VAT1L: variants seen among roughly 807,000 people sequenced by gnomAD.
The protein encoded by VAT1L is vesicle amine transport 1 like.
A neutral mutation model predicts 44.1 loss-of-function variants in VAT1L; 34 were observed. That is an observed-to-expected ratio of 0.77 (90% confidence interval 0.59 to 1.03). The LOEUF (loss-of-function observed/expected upper bound fraction) is 1.03, where lower values mean the gene tolerates loss of function less well. Among genes scored for constraint, VAT1L ranks in the 50% least tolerant of loss-of-function variants. The probability of loss-of-function intolerance (pLI) is 0.00; values close to 1 mark genes in which losing one functional copy is unlikely to be tolerated. For missense variants in VAT1L, 615 were observed against 538.8 expected, an observed-to-expected ratio of 1.14 and a Z score of -1.40; for synonymous variants, 253 against 202.2, an observed-to-expected ratio of 1.25 and a Z score of -2.13.
intron 4 of VAT1L, 56 bp from the exon 5 acceptor site, chr16:77,876,314 T>G: frequency 6.9e-7 from 1 of 1,446,124 alleles, no homozygotes; most frequent in Non-Finnish European, 9.7e-7. Context: ...GGAAAGGGAT[T>G]GACAGTCTGG....
chr16:77,879,422 C>A lies in VAT1L; in HGVS notation c.882+198C>A, dbSNP rs1173208390. Among the ~76,000 whole-genome samples the A allele has an allele frequency of 6.6e-6, 1 of 152,194 alleles. No homozygotes were observed. The highest frequency in any genetic ancestry group is 1.5e-5 in the Non-Finnish European group (1 of 68,038). ...TCTCCTGCCTCAGCCTCCCTAGTAG[C>A]TGGGATTACAGGCATGCGCCACCAT... is the stretch of plus-strand genomic sequence containing the variant. On this transcript the variant is annotated intron_variant, in intron 6 of 8. Transcript: ENST00000302536. The surrounding 1 kb of genome is among the most constrained non-coding windows in gnomAD (Gnocchi z 4.1).
intron 3 of VAT1L, among the ~76,000 whole-genome samples, chr16:77,850,239 C>T (rs1233133326): frequency 1.3e-5 from 2 of 152,166 alleles, no homozygotes; most frequent in African/African-American, 4.8e-5. Flanking sequence ...CCTAAGCCCC[C>T]ACTTTGTGTT....
intron 4 of VAT1L, among the ~76,000 whole-genome samples, chr16:77,874,839 T>TAAAAAAAAAAAAAAAAAAAA (rs769810512): frequency 2.3e-5 from 2 of 87,708 alleles, no homozygotes; most frequent in Non-Finnish European, 4.6e-5. Context: ...AATTAATTTG[T>TAAAAAAAAAAAAAAAAAAAA]AAAAAAAAAA....
At chr16:77,898,330 G>T (rs925353839) in intron 7 of VAT1L, among the ~76,000 whole-genome samples, 4 of 152,140 alleles carry the variant, frequency 2.6e-5, no homozygotes, top group Non-Finnish European at 5.9e-5. Flanking sequence ...GGAAAAGAGG[G>T]GGGGGACACA....
chr16:77,964,794 T>G lies in VAT1L; in HGVS notation c.1078-7056T>G, dbSNP rs1010132820. Among the ~76,000 whole-genome samples the G allele has an allele frequency of 4.4e-4, 51 of 117,232 alleles. 1 individual carries two copies. Among genetic ancestry groups the G allele is most frequent in the Admixed American group, 7.7e-4 (9 of 11,676 alleles). The allele number at this position is 117,232 out of a possible 152,430, so 76.9% of individuals were successfully genotyped here. On this transcript the variant is annotated intron_variant, in intron 7 of 8. Coordinates refer to ENST00000302536, the MANE Select transcript of VAT1L (RefSeq NM_020927.3). ...CTTTGTAGCACTTTTTTTTTTTTTT[T>G]TTTTTTTTTTTTTTTTTAGATGGAG...
chr16:77,939,751 T>C (rs9924879), intron 7 of VAT1L, among the ~76,000 whole-genome samples: 55,104 of 152,044 alleles, frequency 0.36, 10,235 homozygotes, highest in East Asian at 0.45. Context: ...ACTCAATTTA[T>C]TGTCTTATAT....
chr16:77,910,411 G>T (rs373881173), intron 7 of VAT1L, among the ~76,000 whole-genome samples: 71 of 152,266 alleles, frequency 4.7e-4, no homozygotes, highest in African/African-American at 1.6e-3. Flanking sequence ...GGTGGCTCAT[G>T]CCTGTAATCC....
intron 7 of VAT1L, among the ~76,000 whole-genome samples, chr16:77,938,775 T>C (rs958507126): frequency 6.6e-6 from 1 of 152,200 alleles, no homozygotes; most frequent in Non-Finnish European, 1.5e-5. Context: ...CAGGTATTTC[T>C]TTACAGCACT....
Position 77,884,974 on chromosome 16 carries a change from C to T in VAT1L, c.1077+172C>T, listed in dbSNP as rs2017195247. 1.3e-5 allele frequency among the ~76,000 whole-genome samples: 2 copies of T among 152,144 alleles called. No individual in the cohort carries two copies. The highest frequency in any genetic ancestry group is 4.1e-4 in the South Asian group (2 of 4,824). On this transcript the variant is annotated intron_variant, in intron 7 of 8. Coordinates refer to ENST00000302536, the MANE Select transcript of VAT1L (RefSeq NM_020927.3). This position sits in a 1 kb window ranked among gnomAD's most constrained non-coding sequence, Gnocchi z 4.5. ...AATAGTACTTTGGATATAAGAAATA[C>T]TTTAAGCTCTTTGGTGATTTGCAAA...
At chr16:77,829,127 T>C (rs2016553536) in intron 3 of VAT1L, among the ~76,000 whole-genome samples, 2 of 152,256 alleles carry the variant, frequency 1.3e-5, no homozygotes, top group Middle Eastern at 3.4e-3. Context: ...CTCTTTCCAT[T>C]CAACAGCCCA....
At chr16:77,901,200 G>T (rs62042180) in intron 7 of VAT1L, among the ~76,000 whole-genome samples, 25,328 of 129,856 alleles carry the variant, frequency 0.2, 2,651 homozygotes, top group South Asian at 0.26. Context: ...GTCTTGCTCT[G>T]TCACCCAGGC....
At position 77,876,409 on chromosome 16, in the gene VAT1L, C is replaced by T; in HGVS notation, c.762C>T (p.Leu254=). 1.2e-6 allele frequency: 2 copies of T among 1,614,200 alleles called. No homozygotes were observed. Among genetic ancestry groups the T allele is most frequent in the African/African-American group, 1.3e-5 (1 of 75,042 alleles). The change falls in exon 5 of 9, where the codon CTC becomes CTT. Residue 254 remains leucine (L), a synonymous_variant. Transcript: ENST00000302536. ...GTGTGGACATCGTTTTGGATTGCCT[C>T]TGTGGGGACAACACTGGAAAAGGTC... ...AEGVDIVLDC[L]CGDNTGKGLS...
intron 7 of VAT1L, among the ~76,000 whole-genome samples, chr16:77,951,835 A>G: frequency 5.1e-5 from 1 of 19,512 alleles, no homozygotes; most frequent in African/African-American, 6.7e-5. Context: ...TTAAAAGTTT[A>G]AAATTAAAAA....
intron 7 of VAT1L, among the ~76,000 whole-genome samples, chr16:77,946,028 C>A (rs911840537): frequency 6.6e-6 from 1 of 152,020 alleles, no homozygotes; most frequent in African/African-American, 2.4e-5. Flanking sequence ...TCTCGAACTG[C>A]TGACCGCATG....
chr16:77,801,571 T>C (rs1178989669), intron 1 of VAT1L: 1 of 152,142 alleles, frequency 6.6e-6, no homozygotes, highest in Non-Finnish European at 1.5e-5. Context: ...GCAGCCCCAC[T>C]GGCCCAGATA....
At chr16:77,796,066 T>C (rs1001768840) in intron 1 of VAT1L, among the ~76,000 whole-genome samples, 1 of 152,168 alleles carries the variant, frequency 6.6e-6, no homozygotes, top group African/African-American at 2.4e-5. Context: ...CCTCAGGTGA[T>C]CTGCCCGCCT....
At chr16:77,937,913 G>C (rs2017823484) in intron 7 of VAT1L, among the ~76,000 whole-genome samples, 1 of 152,204 alleles carries the variant, frequency 6.6e-6, no homozygotes, top group South Asian at 2.1e-4. Context: ...ACTTAAGATA[G>C]AATCACAGTG....
intron 8 of VAT1L, among the ~76,000 whole-genome samples, chr16:77,976,683 A>T (rs192154349): frequency 1.3e-5 from 2 of 152,306 alleles, no homozygotes; most frequent in Non-Finnish European, 2.9e-5. Context: ...TCATATGCTC[A>T]GCCCTTTGCT....
At chr16:77,858,262 G>T (rs976216991) in intron 3 of VAT1L, among the ~76,000 whole-genome samples, 1 of 152,176 alleles carries the variant, frequency 6.6e-6, no homozygotes, top group Non-Finnish European at 1.5e-5. Flanking sequence ...CCTGGGGATG[G>T]AGATGACTGA....
Sources: allele counts gnomAD v4.1 joint callset (sites outside exome capture counted in the v4.1 genomes callset), GRCh38; gene constraint gnomAD v4.1.1; non-coding constraint Gnocchi (gnomAD v3.1); transcripts MANE v1.5; gene names NCBI Gene and HGNC (gene_info 2026-07-23, HGNC 2026-07-21).